The following ZNF846 variants were observed in gnomAD, a reference collection of about 807,000 sequenced individuals.
ZNF846 encodes zinc finger protein 420 pseudogene.
Under a neutral mutation model 16.0 loss-of-function variants are expected in ZNF846, and 15 were observed. That is an observed-to-expected ratio of 0.94 (90% CI 0.63 to 1.45). The LOEUF is 1.45. Ranked by LOEUF, ZNF846 falls within the 40% of genes most tolerant of loss-of-function variation. ZNF846 has a pLI of 0.00. For synonymous variants in ZNF846, 229 were observed against 212.0 expected, an observed-to-expected ratio of 1.08 and a Z score of -0.70; for missense variants, 714 against 622.3, an observed-to-expected ratio of 1.15 and a Z score of -1.57.
At chr19:9,784,288 G>A (rs1267041788) in intron 1 of ZNF846, among the ~76,000 whole-genome samples, 1 of 152,192 alleles carries the variant, frequency 6.6e-6, no homozygotes, top group Non-Finnish European at 1.5e-5. Context: ...CAGGACTATA[G>A]GGTAATGGTA....
chr19:9,758,144 T>C (rs1363165493), exon 6 of ZNF846: 2 of 1,613,452 alleles, frequency 1.2e-6, no homozygotes, highest in East Asian at 2.2e-5. Flanking sequence ...ATTCCATACA[T>C]ACATAGGGCT....
At chr19:9,761,636 A>G (rs1431955976) in intron 4 of ZNF846, among the ~76,000 whole-genome samples, 2 of 151,662 alleles carry the variant, frequency 1.3e-5, no homozygotes, top group African/African-American at 4.8e-5. Flanking sequence ...GCTTGAACCC[A>G]GGAGGTGGAG....
At chr19:9,748,948 C>A (rs191733621), downstream of ZNF846, among the ~76,000 whole-genome samples, 43 of 152,256 alleles carry the variant, frequency 2.8e-4, no homozygotes, top group Admixed American at 2.6e-3. Context: ...TATGAAGACA[C>A]CCTAGCTGGA....
intron 1 of ZNF846, among the ~76,000 whole-genome samples, chr19:9,775,591 C>T (rs138282665): frequency 1.8e-3 from 273 of 152,264 alleles, no homozygotes; most frequent in Non-Finnish European, 3.1e-3. Context: ...ATAACTCACA[C>T]CATTCACAAA....
chr19:9,765,791 C>A (rs1017953169), intron 1 of ZNF846, among the ~76,000 whole-genome samples: 1 of 151,844 alleles, frequency 6.6e-6, no homozygotes, highest in African/African-American at 2.4e-5. Flanking sequence ...CTCTAATTGT[C>A]CAGGGGGTGG....
chr19:9,770,777 G>C (rs1236444857), upstream of ZNF846, among the ~76,000 whole-genome samples: 2 of 152,054 alleles, frequency 1.3e-5, no homozygotes, highest in African/African-American at 4.8e-5. Context: ...GCTGAGGCAG[G>C]AGAATCACTT....
chr19:9,774,749 G>A (rs1014453244), intron 1 of ZNF846: 1 of 1,562,608 alleles, frequency 6.4e-7, no homozygotes, highest in Non-Finnish European at 8.8e-7. Context: ...AAAGGGGCAG[G>A]TCTGTCTGTC....
At chr19:9,771,034 G>A (rs1350771686), upstream of ZNF846, among the ~76,000 whole-genome samples, 1 of 152,010 alleles carries the variant, frequency 6.6e-6, no homozygotes, top group Non-Finnish European at 1.5e-5. Context: ...TTCTTTAGTG[G>A]TGATTTCTGG....
At chr19:9,761,973 G>T in intron 4 of ZNF846, 109 bp downstream of exon 4, 2 of 828,368 alleles carry the variant, frequency 2.4e-6, no homozygotes, top group Non-Finnish European at 1.9e-6. Context: ...AGCCTTCTCA[G>T]GAAGAAGAGT....
At chr19:9,780,919 A>G (rs1453824873) in intron 1 of ZNF846, among the ~76,000 whole-genome samples, 1 of 152,198 alleles carries the variant, frequency 6.6e-6, no homozygotes, top group Non-Finnish European at 1.5e-5. Flanking sequence ...TACCCATGAC[A>G]CATCCCCATA....
At chr19:9,781,918 C>A (rs182537410) in intron 1 of ZNF846, among the ~76,000 whole-genome samples, 6 of 151,900 alleles carry the variant, frequency 3.9e-5, no homozygotes, top group African/African-American at 1.2e-4. Context: ...GCTGGGATTA[C>A]AGGTGCACAT....
At chr19:9,758,166 T>A (rs1254085754) in exon 6 of ZNF846, 1 of 1,613,356 alleles carries the variant, frequency 6.2e-7, no homozygotes, top group African/African-American at 1.3e-5. Flanking sequence ...CTTTCCACTG[T>A]GGATTCTTGT....
downstream of ZNF846, among the ~76,000 whole-genome samples, chr19:9,750,211 C>T (rs1421494154): frequency 6.6e-6 from 1 of 152,178 alleles, no homozygotes; most frequent in Non-Finnish European, 1.5e-5. Context: ...GACACCTACC[C>T]TGCATCTCAC....
chr19:9,773,605 A>G (rs1459154276), upstream of ZNF846, among the ~76,000 whole-genome samples: 1 of 152,140 alleles, frequency 6.6e-6, no homozygotes, highest in Non-Finnish European at 1.5e-5. Context: ...AACATGGTGA[A>G]ATCCCGTCTC....
At chr19:9,759,983 G>A in intron 4 of ZNF846, 41 bp from the exon 5 acceptor site, 5 of 1,538,678 alleles carry the variant, frequency 3.2e-6, no homozygotes, top group Non-Finnish European at 4.5e-6. Flanking sequence ...GAAAAATTGT[G>A]GAATAAAGTC....
intron 2 of ZNF846, among the ~76,000 whole-genome samples, chr19:9,764,219 A>T (rs567811585): frequency 1.3e-5 from 2 of 152,294 alleles, no homozygotes; most frequent in East Asian, 3.9e-4. Context: ...TTTAAAGTTA[A>T]GGCATACTCC....
downstream of ZNF846, among the ~76,000 whole-genome samples, chr19:9,751,279 C>T (rs1003828664): frequency 6.6e-6 from 1 of 152,194 alleles, no homozygotes; most frequent in Non-Finnish European, 1.5e-5. Context: ...TAGGTTCCCA[C>T]ACCACCGCTA....
upstream of ZNF846, among the ~76,000 whole-genome samples, chr19:9,773,237 AGGC>A (rs2045403749): frequency 6.6e-6 from 1 of 152,168 alleles, no homozygotes; most frequent in Non-Finnish European, 1.5e-5. Flanking sequence ...TATGTTGTGC[AGGC>A]TGGATCAAAC....
chr19:9,775,047 T>C, intron 1 of ZNF846: 3 of 1,202,180 alleles, frequency 2.5e-6, no homozygotes, highest in Non-Finnish European at 3.5e-6. Context: ...TCTGTGGAAA[T>C]TGACACGTGC....
Sources: gnomAD v4.1 joint callset for allele counts (sites outside exome capture counted in the v4.1 genomes callset) on GRCh38, gnomAD v4.1.1 for gene constraint, MANE v1.5 for transcripts, NCBI Gene and HGNC (gene_info 2026-07-23, HGNC 2026-07-21) for gene names.